The following ARFGEF1 variants were observed in gnomAD, a reference collection of about 807,000 sequenced individuals.
ARFGEF1 encodes the protein brefeldin A-inhibited guanine nucleotide-exchange protein 1.
In ARFGEF1, 42 loss-of-function variants were observed where a neutral mutation model predicts 231.0. The observed-to-expected ratio is 0.18, with a 90% confidence interval of 0.14 to 0.24. The LOEUF is 0.24. Among genes scored for constraint, ARFGEF1 ranks in the 10% least tolerant of loss-of-function variants. The pLI is 1.00. For missense variants in ARFGEF1, 1,345 were observed against 2,192.0 expected, an observed-to-expected ratio of 0.61 and a Z score of 7.72; for synonymous variants, 710 against 732.3, an observed-to-expected ratio of 0.97 and a Z score of 0.49.
At chr8:67,181,526 C>T (rs1833040786) in intron 5 of ARFGEF1, among the ~76,000 whole-genome samples, 1 of 151,912 alleles carries the variant, frequency 6.6e-6, no homozygotes, top group African/African-American at 2.4e-5. Context: ...TATTGCATGA[C>T]ACTAGAGCAA....
At chr8:67,243,871 A>C in intron 19 of ARFGEF1, among the ~76,000 whole-genome samples, 1 of 152,198 alleles carries the variant, frequency 6.6e-6, no homozygotes, top group East Asian at 1.9e-4. Flanking sequence ...GTAACACAGA[A>C]GAAATTCAGA....
At chr8:67,222,164 CATAT>C (rs1333771303) in intron 29 of ARFGEF1, among the ~76,000 whole-genome samples, 1 of 119,148 alleles carries the variant, frequency 8.4e-6, no homozygotes, top group Non-Finnish European at 1.6e-5. Context: ...CTTTTCCATG[CATAT>C]ATATATATAT....
At chr8:67,324,972 G>A (rs1016382471) in intron 1 of ARFGEF1, among the ~76,000 whole-genome samples, 7 of 150,378 alleles carry the variant, frequency 4.7e-5, no homozygotes, top group Admixed American at 1.3e-4. Flanking sequence ...GGAATGCAAC[G>A]GCGCTATCTT....
At chr8:67,301,736 C>G (rs1806500249) in intron 2 of ARFGEF1, among the ~76,000 whole-genome samples, 1 of 152,114 alleles carries the variant, frequency 6.6e-6, no homozygotes, top group South Asian at 2.1e-4. Flanking sequence ...GTCCTTAAGT[C>G]AAAGTGAGTT....
rs776086918 is a variant in ARFGEF1, at chr8:67,240,305, A to T, written c.2851-15T>A. 3 of 1,584,624 alleles carry T rather than the reference A, an allele frequency of 1.9e-6. No individual in the cohort carries two copies. The highest frequency in any genetic ancestry group is 2.6e-6 in the Non-Finnish European group (3 of 1,171,124). On this transcript the variant is annotated splice_polypyrimidine_tract_variant and intron_variant, in intron 19 of 38. Coordinates refer to ENST00000262215, the MANE Select transcript of ARFGEF1 (RefSeq NM_006421.5). ...GTCCAAGCCAACTACAAAAATTAAA[A>T]ATTGTATTTTAATTAAAGATTATGA...
chr8:67,223,805 C>T (rs1232156742), intron 29 of ARFGEF1, among the ~76,000 whole-genome samples: 2 of 152,124 alleles, frequency 1.3e-5, no homozygotes, highest in African/African-American at 4.8e-5. Flanking sequence ...GATATGTCAG[C>T]CGCTCCACTG....
intron 5 of ARFGEF1, chr8:67,180,021 A>T: frequency 1.7e-6 from 1 of 597,968 alleles, no homozygotes; most frequent in Non-Finnish European, 2.8e-6. Flanking sequence ...TGTACAAGGT[A>T]GTAAAAAAAA....
intron 28 of ARFGEF1, 138 bp from the exon 29 acceptor site, chr8:67,225,171 G>A: frequency 1.2e-6 from 1 of 837,790 alleles, no homozygotes; most frequent in Admixed American, 3.8e-5. Context: ...ATAAAAAATG[G>A]ACACTATAAC....
chr8:67,195,399 G>A (rs1414800888), downstream of ARFGEF1: 1 of 1,613,896 alleles, frequency 6.2e-7, no homozygotes. Context: ...GAGTTCACTG[G>A]TTGACCCTGA....
rs1838757447 is a variant in ARFGEF1, at chr8:67,211,668, G to A, written c.4687-53C>T. 6.1e-6 allele frequency: 7 copies of A among 1,146,372 alleles called. No individual in the cohort carries two copies. The East Asian group carries it at 1.7e-4, about 28-fold the overall frequency. The allele number at this position is 1,146,372 out of a possible 1,614,324, so 71.0% of individuals were successfully genotyped here. On this transcript the variant is annotated intron_variant, in intron 33 of 38. Transcript: ENST00000262215. ...AGTATGGTTAATAAAGTTTATGGGT[G>A]AAAATATTTTCTAAAACGCTATTTT...
chr8:67,194,891 T>A (rs1313865746), downstream of ARFGEF1, among the ~76,000 whole-genome samples: 1 of 152,200 alleles, frequency 6.6e-6, no homozygotes, highest in Non-Finnish European at 1.5e-5. Flanking sequence ...AGTAATCTCA[T>A]GCCAACTAGT....
At chr8:67,289,561 A>G (rs1023342034) in intron 6 of ARFGEF1, among the ~76,000 whole-genome samples, 1 of 147,614 alleles carries the variant, frequency 6.8e-6, no homozygotes, top group Non-Finnish European at 1.5e-5. Flanking sequence ...AAAAAAAAAA[A>G]AAAAAAAAAA....
intron 1 of ARFGEF1, among the ~76,000 whole-genome samples, chr8:67,314,107 T>A (rs922994447): frequency 2.6e-5 from 4 of 152,220 alleles, no homozygotes; most frequent in Admixed American, 2.6e-4. Flanking sequence ...TCAGTCTCAC[T>A]CCCACCTTGC....
chr8:67,254,085 TAAC>T (rs1485803116), intron 17 of ARFGEF1, among the ~76,000 whole-genome samples: 7 of 152,214 alleles, frequency 4.6e-5, no homozygotes, highest in Non-Finnish European at 8.8e-5. Flanking sequence ...TAAAACCAGT[TAAC>T]AATCTCTCTG....
chr8:67,276,206 G>A lies in ARFGEF1; in HGVS notation c.1204-97C>T, dbSNP rs1198521787. 2.2e-6 allele frequency: 3 copies of A among 1,358,462 alleles called. No individual in the cohort carries two copies. In the African/African-American group the frequency reaches 4.4e-5, roughly 20 times the overall value. The allele number at this position is 1,358,462 out of a possible 1,614,324, so 84.2% of individuals were successfully genotyped here. Reference sequence around the variant, plus strand: ...TATTTCATTCAATTCACTAACAGGTGGAGATTCCCCCACTGTTGGAAGGGG... The same window carrying A: ...TATTTCATTCAATTCACTAACAGGTAGAGATTCCCCCACTGTTGGAAGGGG... On this transcript the variant is annotated intron_variant, in intron 8 of 38. Transcript: ENST00000262215.
At chr8:67,259,996 C>A in intron 14 of ARFGEF1, 70 bp from the exon 15 acceptor site, 1 of 1,060,822 alleles carries the variant, frequency 9.4e-7, no homozygotes, top group Non-Finnish European at 1.4e-6. Context: ...TCTTAAACCA[C>A]AGTAAATTTT....
rs1046915634 is a variant in ARFGEF1 at position 67,319,226 on chromosome 8, C to A, written c.125-16760G>T. On this transcript the variant is annotated intron_variant, in intron 1 of 38. Coordinates refer to ENST00000262215, the MANE Select transcript of ARFGEF1 (RefSeq NM_006421.5). ...TTTTCTGCACATAAACAGATTCTAA[C>A]ATTTGTTAGGAAAGGCAATGTAACT... Among the ~76,000 whole-genome samples, 10 of 152,278 alleles carry A rather than the reference C, an allele frequency of 6.6e-5. 1 individual carries two copies. The highest frequency in any genetic ancestry group is 4.6e-4 in the Admixed American group (7 of 15,306).
intron 1 of ARFGEF1, among the ~76,000 whole-genome samples, chr8:67,308,018 G>A (rs1806828313): frequency 6.6e-6 from 1 of 152,178 alleles, no homozygotes; most frequent in African/African-American, 2.4e-5. Context: ...CAAGCCACTT[G>A]GAGGCTACAA....
intron 1 of ARFGEF1, among the ~76,000 whole-genome samples, chr8:67,310,456 C>T (rs1009604956): frequency 4.6e-5 from 7 of 152,230 alleles, no homozygotes; most frequent in Admixed American, 1.3e-4. Flanking sequence ...ACAACCTACA[C>T]CTCCCAGCCG....
Sources: gnomAD v4.1 joint callset for allele counts (sites outside exome capture counted in the v4.1 genomes callset) on GRCh38, gnomAD v4.1.1 for gene constraint, MANE v1.5 for transcripts, NCBI Gene and HGNC (gene_info 2026-07-23, HGNC 2026-07-21) for gene names.